Variants in PRDM11 observed in about 807,000 individuals in gnomAD.
PRDM11 encodes the protein PR/SET domain 11, also known as PR domain-containing protein 11.
PRDM11 carries 20 observed loss-of-function variants against 97.8 expected under a neutral mutation model. The observed-to-expected ratio is 0.20, with a 90% confidence interval of 0.14 to 0.30. PRDM11 has a LOEUF of 0.30. Among genes scored for constraint, PRDM11 ranks in the 10% least tolerant of loss-of-function variants. The pLI, the probability that PRDM11 is intolerant of heterozygous loss-of-function variation, is 1.00. For missense variants in PRDM11, 1,139 were observed against 1,555.2 expected (o/e 0.73, Z 4.50); for synonymous variants, 599 against 637.7 (o/e 0.94, Z 0.91).
chr11:45,175,242 A>G (rs938778382), intron 1 of PRDM11, among the ~76,000 whole-genome samples: 1 of 152,200 alleles, frequency 6.6e-6, no homozygotes, highest in Non-Finnish European at 1.5e-5. Context: ...CCATTGTAGT[A>G]TCATACAGAG....
chr11:45,189,038 A>G (rs754405170), intron 4 of PRDM11, among the ~76,000 whole-genome samples: 4 of 152,126 alleles, frequency 2.6e-5, no homozygotes, highest in African/African-American at 4.8e-5. Context: ...AGTAGCTGGG[A>G]TTACAGGCAT....
chr11:45,169,159 CT>C (rs143864517), intron 1 of PRDM11, among the ~76,000 whole-genome samples: 2,157 of 152,280 alleles, frequency 0.014, 48 homozygotes, highest in African/African-American at 0.049. Context: ...GTATTTGTTA[CT>C]TTTTATTGTG....
chr11:45,207,671 G>A (rs138455143), intron 5 of PRDM11, among the ~76,000 whole-genome samples: 6 of 152,294 alleles, frequency 3.9e-5, no homozygotes, highest in South Asian at 2.1e-4. Flanking sequence ...GGGTTCACAC[G>A]AGTCCCATGG....
intron 1 of PRDM11, among the ~76,000 whole-genome samples, chr11:45,159,841 C>G (rs181175298): frequency 4.5e-4 from 69 of 152,310 alleles, no homozygotes; most frequent in Admixed American, 3.8e-3. Context: ...AGGGACACAG[C>G]CTTTATCCCT....
intron 1 of PRDM11, among the ~76,000 whole-genome samples, chr11:45,109,810 G>C (rs748971078): frequency 1.3e-5 from 2 of 152,152 alleles, no homozygotes; most frequent in Non-Finnish European, 2.9e-5. Flanking sequence ...GATGGGGAAG[G>C]GTGGGCTTTT....
At chr11:45,182,007 G>A (rs548158490) in intron 2 of PRDM11, 122 bp downstream of exon 2, 20 of 931,990 alleles carry the variant, frequency 2.1e-5, no homozygotes, top group Middle Eastern at 3.4e-4. Context: ...CCCTGCTCCC[G>A]GCAGCTCCTG....
At chr11:45,149,101 T>A (rs2135680566) in intron 1 of PRDM11, among the ~76,000 whole-genome samples, 1 of 152,250 alleles carries the variant, frequency 6.6e-6, no homozygotes, top group African/African-American at 2.4e-5. Flanking sequence ...CTCCATCCCC[T>A]CTTCCCCAGT....
intron 5 of PRDM11, among the ~76,000 whole-genome samples, chr11:45,210,971 C>G (rs1216519657): frequency 6.6e-6 from 1 of 152,176 alleles, no homozygotes; most frequent in Non-Finnish European, 1.5e-5. Context: ...TGTAATGAGG[C>G]CACCAAAGGT....
At chr11:45,105,085 C>T (rs922188244) in intron 1 of PRDM11, among the ~76,000 whole-genome samples, 1 of 152,146 alleles carries the variant, frequency 6.6e-6, no homozygotes, top group African/African-American at 2.4e-5. Context: ...TCAAGGTGCC[C>T]CAGATTTGGT....
chr11:45,185,633 T>C (rs1852676665), intron 4 of PRDM11, among the ~76,000 whole-genome samples: 1 of 152,102 alleles, frequency 6.6e-6, no homozygotes, highest in Non-Finnish European at 1.5e-5. Context: ...CCTCAGAGGG[T>C]TCACATGGAG....
intron 1 of PRDM11, among the ~76,000 whole-genome samples, chr11:45,109,035 G>C (rs1314398780): frequency 6.6e-6 from 1 of 152,250 alleles, no homozygotes; most frequent in Admixed American, 6.5e-5. Context: ...GGCTTAGCCT[G>C]TGAGACTGTC....
At chr11:45,170,045 G>A (rs1375943112) in intron 1 of PRDM11, among the ~76,000 whole-genome samples, 3 of 152,116 alleles carry the variant, frequency 2.0e-5, no homozygotes, top group Admixed American at 2.0e-4. Context: ...ACACTCTGGA[G>A]AAAAATAAAG....
intron 1 of PRDM11, among the ~76,000 whole-genome samples, chr11:45,122,202 GACACACACACACAC>G (rs756403475): frequency 2.1e-5 from 3 of 145,028 alleles, no homozygotes; most frequent in African/African-American, 5.1e-5. Context: ...CACACACACA[GACACACACACACAC>G]ACACACACAC....
rs1261547921 is a variant in PRDM11 at position 45,118,031 on chromosome 11, A to T, written c.96+22130A>T. Among the ~76,000 whole-genome samples the T allele has an allele frequency of 2.6e-5, 4 of 151,548 alleles. No individual in the cohort carries two copies. In the South Asian group the frequency reaches 6.3e-4, roughly 24 times the overall value. On this transcript the variant is annotated intron_variant, in intron 1 of 6. Coordinates refer to the PRDM11 transcript ENST00000530656. Reference sequence around the variant, plus strand: ...AAACCATAACCACAGTCATGACATTAAAAAAAAATTGAACAAATTCCAACA... The same window carrying T: ...AAACCATAACCACAGTCATGACATTTAAAAAAAATTGAACAAATTCCAACA...
chr11:45,204,983 C>T (rs12280430), intron 5 of PRDM11, among the ~76,000 whole-genome samples: 3,262 of 152,232 alleles, frequency 0.021, 116 homozygotes, highest in African/African-American at 0.075. Flanking sequence ...TGTGGTCAGG[C>T]CGTTGGGATG....
At chr11:45,183,201 C>A in intron 4 of PRDM11, 78 bp downstream of exon 4, 1 of 1,484,838 alleles carries the variant, frequency 6.7e-7, no homozygotes, top group Non-Finnish European at 9.0e-7. Flanking sequence ...GCCATACTGG[C>A]CCAGCTTGGC....
At chr11:45,138,838 A>C (rs553695541) in intron 1 of PRDM11, among the ~76,000 whole-genome samples, 1 of 152,382 alleles carries the variant, frequency 6.6e-6, no homozygotes, top group Non-Finnish European at 1.5e-5. Context: ...CTATAAAGGA[A>C]AAACAGAAAA....
Position 45,114,905 on chromosome 11 carries a change from G to A in PRDM11, c.96+19004G>A, listed in dbSNP as rs369490018. ...GATATTTCAAATAAATGAAAATTGA[G>A]AAAACTCACTGCCAGTAGACCTGTT... On this transcript the variant is annotated intron_variant, in intron 1 of 6. Coordinates refer to the PRDM11 transcript ENST00000530656. Among the ~76,000 whole-genome samples the A allele has an allele frequency of 5.4e-3, 828 of 152,088 alleles. 6 individuals are homozygous for A. Among genetic ancestry groups the A allele is most frequent in the African/African-American group, 0.019 (781 of 41,520 alleles).
In PRDM11 at chr11:45,224,462, G is replaced by A. The variant is rs760294482; in HGVS notation, c.988G>A (p.Val330Ile). 1.9e-6 allele frequency: 3 copies of A among 1,614,182 alleles called. No homozygotes were observed. Among genetic ancestry groups the A allele is most frequent in the Non-Finnish European group, 2.5e-6 (3 of 1,180,028 alleles). ...AHQLALSTSL[V>I]IRKVPKYQDD... is the part of the protein sequence containing the mutation. ...CCAGTTGGCCCTGAGCACCTCACTGGTCATCAGGAAAGTCCCCAAATACCA... is the reference window on the plus strand; with the variant it reads ...CCAGTTGGCCCTGAGCACCTCACTGATCATCAGGAAAGTCCCCAAATACCA... Residue 330 changes from valine (V) to isoleucine (I), a missense_variant, in exon 7 of 8, where the codon GTC becomes ATC. Val to Ile is a conservative substitution (Grantham distance 29). Around this residue, in one of 2 missense-constraint regions of PRDM11, gnomAD observed 429 missense variants for 510.3 expected, o/e 0.84. Transcript: ENST00000683152.
Sources: gnomAD v4.1 joint callset for allele counts (sites outside exome capture counted in the v4.1 genomes callset) on GRCh38, gnomAD v4.1.1 for gene constraint, gnomAD v4.1.1 regional missense constraint, MANE v1.5 for transcripts, NCBI Gene and HGNC (gene_info 2026-07-23, HGNC 2026-07-21) for gene names.